FIGNL2: variants seen among roughly 807,000 people sequenced by gnomAD.
The protein encoded by FIGNL2 is fidgetin-like protein 2.
For synonymous variants in FIGNL2, 565 were observed against 484.0 expected, an observed-to-expected ratio of 1.17 and a Z score of -2.20; for missense variants, 1,060 against 950.2, an observed-to-expected ratio of 1.12 and a Z score of -1.52.
At chr12:51,822,542 C>A in intron 1 of FIGNL2, 118 bp from the exon 2 acceptor site, 1 of 1,088,510 alleles carries the variant, frequency 9.2e-7, no homozygotes, top group South Asian at 1.4e-5. Context: ...CTTCCGGCAT[C>A]CACCACCTAC....
At chr12:51,828,351 G>C (rs1209415165) in intron 1 of FIGNL2, 2 of 152,194 alleles carry the variant, frequency 1.3e-5, no homozygotes, top group African/African-American at 4.8e-5. Context: ...GGGGAGCAAG[G>C]TATTGTTCCT....
At chr12:51,830,158 G>A (rs1050956892) in intron 1 of FIGNL2, among the ~76,000 whole-genome samples, 6 of 151,874 alleles carry the variant, frequency 4.0e-5, no homozygotes, top group South Asian at 2.1e-4. Flanking sequence ...GTGTAGTGGC[G>A]GGTGCCTGTA....
intron 1 of FIGNL2, among the ~76,000 whole-genome samples, chr12:51,832,665 C>T (rs1939494910): frequency 6.6e-6 from 1 of 152,168 alleles, no homozygotes; most frequent in African/African-American, 2.4e-5. Context: ...TAATTCCGTG[C>T]ATGATCCCAT....
chr12:51,834,901 C>A (rs2138993284), intron 1 of FIGNL2, among the ~76,000 whole-genome samples: 1 of 152,328 alleles, frequency 6.6e-6, no homozygotes, highest in East Asian at 1.9e-4. Flanking sequence ...GCCAGATGGG[C>A]ATTATTCTCC....
At chr12:51,822,683 A>C (rs1358310846) in intron 1 of FIGNL2, among the ~76,000 whole-genome samples, 1 of 152,012 alleles carries the variant, frequency 6.6e-6, no homozygotes, top group Non-Finnish European at 1.5e-5. Context: ...CCCTAACTTC[A>C]CCTTGTAGGC....
chr12:51,820,592 C>A lies in FIGNL2; in HGVS notation c.1822G>T (p.Gly608Trp). 1.3e-6 allele frequency: 2 copies of A among 1,525,794 alleles called. No individual in the cohort carries two copies. Among genetic ancestry groups the A allele is most frequent in the Non-Finnish European group, 1.7e-6 (2 of 1,143,086 alleles). The allele number at this position is 1,525,794 out of a possible 1,614,324, so 94.5% of individuals were successfully genotyped here. A position where few individuals can be genotyped will look rare whatever the true frequency, so the allele number is the denominator to read the frequency against. ...CGCTGCAGCCCCGGGAGGCCCGCCC[C>A]GGCCGCCGCCTGCTGGCACAGCTGC... ...LGQLCQQAAA[G>W]AGLPGLQRPL... is the part of the protein sequence containing the mutation. Residue 608 changes from glycine (G) to tryptophan (W), a missense_variant, in exon 2 of 2, where the codon GGG becomes TGG. Transcript: ENST00000618634.
At chr12:51,831,142 G>C (rs1313812468) in intron 1 of FIGNL2, among the ~76,000 whole-genome samples, 2 of 151,930 alleles carry the variant, frequency 1.3e-5, no homozygotes. Flanking sequence ...GATTTTTTGT[G>C]CAAATGAAGA....
rs1362618764 is a variant in FIGNL2, at chr12:51,820,787, C to T, written c.1627G>A (p.Glu543Lys). The change falls in exon 2 of 2, where the codon GAG (glutamate) becomes AAG (lysine). Residue 543 changes from glutamate (E) to lysine (K), a missense_variant. Glu to Lys is a moderately conservative substitution (Grantham distance 56). Coordinates refer to ENST00000618634, the MANE Select transcript of FIGNL2 (RefSeq NM_001384995.1). ...GTTSRPAALD[E>K]ATRRRFSLRF... Reference sequence around the variant, plus strand: ...AGAGAGAAGCGCCGGCGGGTCGCCTCGTCCAGAGCCGCGGGCCGCGAGGTG... The same window carrying T: ...AGAGAGAAGCGCCGGCGGGTCGCCTTGTCCAGAGCCGCGGGCCGCGAGGTG... The T allele has an allele frequency of 6.8e-7, 1 of 1,476,380 alleles. No homozygotes were observed. The highest frequency in any genetic ancestry group is 8.9e-7 in the Non-Finnish European group (1 of 1,122,132). 91.5% of individuals were successfully genotyped at this position (1,476,380 alleles called of 1,614,324 possible).
Position 51,821,623 on chromosome 12 carries a change from G to C in FIGNL2, c.791C>G (p.Ser264Trp). ...TAAPGAESGL[S>W]LKRKAADEGP... ...CTCGTCGGCGGCCTTGCGCTTCAGCGACAGCCCGGATTCGGCACCCGGCGC... is the reference window on the plus strand; with the variant it reads ...CTCGTCGGCGGCCTTGCGCTTCAGCCACAGCCCGGATTCGGCACCCGGCGC... Residue 264 changes from serine to tryptophan, a missense_variant, in exon 2 of 2, where the codon TCG becomes TGG. Physicochemically the swap from Ser to Trp is radical, Grantham distance 177. Transcript: ENST00000618634. 6.7e-7 allele frequency: 1 copy of C among 1,493,938 alleles called. No homozygotes were observed. Among genetic ancestry groups the C allele is most frequent in the South Asian group, 1.2e-5 (1 of 80,360 alleles). The allele number at this position is 1,493,938 out of a possible 1,614,324, so 92.5% of individuals were successfully genotyped here.
intron 1 of FIGNL2, among the ~76,000 whole-genome samples, chr12:51,823,097 CTTGGTT>C (rs1363370568): frequency 6.6e-6 from 1 of 152,222 alleles, no homozygotes; most frequent in Admixed American, 6.5e-5. Context: ...TTCCTTCCCA[CTTGGTT>C]TTGGCTTCTG....
At chr12:51,837,392 G>A (rs1037239530) in intron 1 of FIGNL2, among the ~76,000 whole-genome samples, 21 of 152,290 alleles carry the variant, frequency 1.4e-4, no homozygotes, top group African/African-American at 4.6e-4. Context: ...CAATCCCCAT[G>A]AGGGGTATCC....
At chr12:51,841,131 G>A (rs565851874) in intron 1 of FIGNL2, among the ~76,000 whole-genome samples, 4 of 152,324 alleles carry the variant, frequency 2.6e-5, no homozygotes, top group South Asian at 2.1e-4. Flanking sequence ...AGTAACTCCA[G>A]CTATGCAGCC....
chr12:51,844,667 A>T, intron 1 of FIGNL2: 1 of 984,348 alleles, frequency 1.0e-6, no homozygotes, highest in Non-Finnish European at 1.2e-6. Context: ...ACTATGATTC[A>T]TCAAGATGCT....
At chr12:51,842,660 C>T (rs2139001546) in intron 1 of FIGNL2, among the ~76,000 whole-genome samples, 1 of 152,194 alleles carries the variant, frequency 6.6e-6, no homozygotes, top group African/African-American at 2.4e-5. Flanking sequence ...ACACAGCCTC[C>T]CCCAGGAAAA....
chr12:51,820,881 C>T lies in FIGNL2; in HGVS notation c.1533G>A (p.Gln511=). 1 of 1,362,836 alleles carries T rather than the reference C, an allele frequency of 7.3e-7. No homozygotes were observed. 84.4% of individuals were successfully genotyped at this position (1,362,836 alleles called of 1,614,324 possible). The change falls in exon 2 of 2, where the codon CAG becomes CAA. Residue 511 remains glutamine, a synonymous_variant. Transcript: ENST00000618634. ...CGTCCAGGCAGGCCAGGAGCGGCACCTGCAGCGCGCCCCCTGCCGCCGCGC... is the reference window on the plus strand; with the variant it reads ...CGTCCAGGCAGGCCAGGAGCGGCACTTGCAGCGCGCCCCCTGCCGCCGCGC... ...DDGAAAGGAL[Q]VPLLACLDGG... is the part of the protein sequence containing the mutation.
chr12:51,847,769 G>T, intron 1 of FIGNL2: 1 of 985,386 alleles, frequency 1.0e-6, no homozygotes, highest in Non-Finnish European at 1.2e-6. Flanking sequence ...CAGCGGCGGG[G>T]GGGTTGCTAG....
At chr12:51,822,986 T>C (rs1939257802) in intron 1 of FIGNL2, among the ~76,000 whole-genome samples, 1 of 152,174 alleles carries the variant, frequency 6.6e-6, no homozygotes, top group South Asian at 2.1e-4. Context: ...CCTGAGATTC[T>C]GAGATTCCAA....
rs1407482782 is a variant in FIGNL2, at chr12:51,821,317, G to A, written c.1097C>T (p.Thr366Ile). 3 of 1,518,588 alleles carry A rather than the reference G, an allele frequency of 2.0e-6. No individual in the cohort carries two copies. The highest frequency in any genetic ancestry group is 2.6e-6 in the Non-Finnish European group (3 of 1,138,786). 94.1% of individuals were successfully genotyped at this position (1,518,588 alleles called of 1,614,324 possible). The change falls in exon 2 of 2, where the codon ACT becomes ATT. Residue 366 changes from threonine to isoleucine, a missense_variant. Physicochemically the swap from Thr to Ile is moderately conservative, Grantham distance 89. Coordinates refer to ENST00000618634, the MANE Select transcript of FIGNL2 (RefSeq NM_001384995.1). The stretch of plus-strand genomic sequence containing the variant: ...GGCCCCAGGGTCCACGCCTTTGGGA[G>A]TCTCCCCCGACGGCACGGCGAACCC... Reference protein sequence around the residue: ...RGGFAVPSGETPKGVDPGALE... With the variant: ...RGGFAVPSGEIPKGVDPGALE...
intron 1 of FIGNL2, among the ~76,000 whole-genome samples, chr12:51,834,873 C>T (rs1010280784): frequency 5.1e-4 from 78 of 152,330 alleles, no homozygotes; most frequent in African/African-American, 1.6e-3. Flanking sequence ...CCATCGTTTT[C>T]GTCCTCACAA....
Sources: allele counts gnomAD v4.1 joint callset (sites outside exome capture counted in the v4.1 genomes callset), GRCh38; gene constraint gnomAD v4.1.1; transcripts MANE v1.5; gene names NCBI Gene and HGNC (gene_info 2026-07-23, HGNC 2026-07-21).